ESR1: variants seen among roughly 807,000 people sequenced by gnomAD.
The protein encoded by ESR1 is estrogen receptor.
ESR1 carries 12 observed loss-of-function variants against 52.7 expected under a neutral mutation model. The ratio of observed to expected loss-of-function variants is 0.23; its 90% confidence interval spans 0.15 to 0.37. The LOEUF is 0.37. Ranked by LOEUF, ESR1 falls within the 10% of genes least tolerant of loss-of-function variation. The pLI is 1.00. For synonymous variants in ESR1, 305 were observed against 316.8 expected, an observed-to-expected ratio of 0.96 and a Z score of 0.39; for missense variants, 584 against 779.7, an observed-to-expected ratio of 0.75 and a Z score of 2.99.
At chr6:152,079,673 T>C (rs1189475294) in intron 6 of ESR1, among the ~76,000 whole-genome samples, 4 of 152,086 alleles carry the variant, frequency 2.6e-5, no homozygotes, top group African/African-American at 9.7e-5. Flanking sequence ...CTTCAGAAGG[T>C]CGGTAATAAC....
chr6:152,004,388 A>G (rs2042177039), intron 4 of ESR1, among the ~76,000 whole-genome samples: 1 of 151,988 alleles, frequency 6.6e-6, no homozygotes, highest in South Asian at 2.1e-4. Context: ...TTTTGTCTTT[A>G]GGTTTCTTTT....
intron 5 of ESR1, among the ~76,000 whole-genome samples, chr6:152,022,350 G>A (rs897326276): frequency 6.6e-6 from 1 of 152,166 alleles, no homozygotes; most frequent in Non-Finnish European, 1.5e-5. Context: ...GAGCAACTCC[G>A]AGGAGTTTTT....
At chr6:151,766,497 T>C (rs1376272566) in intron 2 of ESR1, among the ~76,000 whole-genome samples, 1 of 141,522 alleles carries the variant, frequency 7.1e-6, no homozygotes. Flanking sequence ...AACAAAAAAA[T>C]AAAAAATAAA....
At chr6:152,017,424 G>A (rs1157763269) in intron 5 of ESR1, among the ~76,000 whole-genome samples, 1 of 152,066 alleles carries the variant, frequency 6.6e-6, no homozygotes, top group Non-Finnish European at 1.5e-5. Flanking sequence ...AGAAATAAAG[G>A]TTATTATAAG....
At chr6:151,979,363 T>A (rs1039784369) in intron 4 of ESR1, among the ~76,000 whole-genome samples, 1 of 152,176 alleles carries the variant, frequency 6.6e-6, no homozygotes, top group Non-Finnish European at 1.5e-5. Flanking sequence ...ACAAAATTGG[T>A]TTAAATTATC....
chr6:151,918,153 A>G (rs1417172198), intron 3 of ESR1, among the ~76,000 whole-genome samples: 1 of 152,090 alleles, frequency 6.6e-6, no homozygotes, highest in Non-Finnish European at 1.5e-5. Flanking sequence ...ATGTGAATTG[A>G]GTTTTCTTCA....
chr6:151,852,642 T>TC (rs1554268912), intron 2 of ESR1, among the ~76,000 whole-genome samples: 1 of 150,334 alleles, frequency 6.7e-6, no homozygotes, highest in East Asian at 1.9e-4. Context: ...AGCAGGTGTT[T>TC]TTTTTTTTTT....
Position 152,074,942 on chromosome 6 carries a change from G to A in ESR1, c.1369+13818G>A, listed in dbSNP as rs141288018. Among the ~76,000 whole-genome samples, 1,178 of 152,212 alleles carry A rather than the reference G, an allele frequency of 7.7e-3. 7 individuals carry two copies. The highest frequency in any genetic ancestry group is 0.012 in the Non-Finnish European group (840 of 68,008). On this transcript the variant is annotated intron_variant, in intron 6 of 7. Coordinates refer to ENST00000206249, the MANE Select transcript of ESR1 (RefSeq NM_000125.4). Reference sequence around the variant, plus strand: ...CCATTTTTTTAATCAGGTTGTTTGCGTTCTTATCGTTGAGTTTTAAAAGCT... The same window carrying A: ...CCATTTTTTTAATCAGGTTGTTTGCATTCTTATCGTTGAGTTTTAAAAGCT...
intron 2 of ESR1, among the ~76,000 whole-genome samples, chr6:151,717,260 G>A (rs1190211261): frequency 5.9e-5 from 9 of 152,188 alleles, no homozygotes; most frequent in East Asian, 1.9e-4. Flanking sequence ...TGTCTTCTGC[G>A]TTAATCTCAC....
chr6:152,126,993 C>T (rs184132074), exon 7 of ESR1: 4 of 152,264 alleles, frequency 2.6e-5, no homozygotes, highest in Admixed American at 1.3e-4. Context: ...CTAGATTGTC[C>T]GTGATCTTGA....
At chr6:151,759,234 C>A (rs1389347243) in intron 2 of ESR1, among the ~76,000 whole-genome samples, 3 of 143,316 alleles carry the variant, frequency 2.1e-5, no homozygotes, top group African/African-American at 8.1e-5. Context: ...GAGATCATGC[C>A]ACTGCACTCC....
chr6:151,686,568 G>A (rs951227628), upstream of ESR1, among the ~76,000 whole-genome samples: 4 of 152,272 alleles, frequency 2.6e-5, no homozygotes, highest in East Asian at 3.9e-4. Flanking sequence ...GGCACCTGTA[G>A]TCCCAGCTAC....
chr6:152,015,514 A>T (rs2043103606), intron 5 of ESR1, among the ~76,000 whole-genome samples: 1 of 152,208 alleles, frequency 6.6e-6, no homozygotes, highest in African/African-American at 2.4e-5. Flanking sequence ...CAAAAACCAG[A>T]TCTTGTTCGT....
chr6:151,951,288 C>T (rs980779816), intron 4 of ESR1, among the ~76,000 whole-genome samples: 14 of 152,092 alleles, frequency 9.2e-5, no homozygotes, highest in African/African-American at 2.7e-4. Context: ...CGGTTTCATT[C>T]GAACAGCCTC....
chr6:152,029,307 T>C (rs986087638), intron 5 of ESR1, among the ~76,000 whole-genome samples: 5 of 152,084 alleles, frequency 3.3e-5, no homozygotes, highest in South Asian at 2.1e-4. Context: ...CTTTGACTAA[T>C]TGAGAAAAGA....
chr6:151,946,701 G>A (rs558940597), intron 4 of ESR1, among the ~76,000 whole-genome samples: 1 of 152,236 alleles, frequency 6.6e-6, no homozygotes, highest in East Asian at 1.9e-4. Context: ...TTATATGTAT[G>A]TGTGTTTGTG....
At chr6:151,810,816 T>G (rs144602487) in intron 1 of ESR1, among the ~76,000 whole-genome samples, 1,698 of 152,266 alleles carry the variant, frequency 0.011, 10 homozygotes, top group Non-Finnish European at 0.018. Context: ...AAAGAAAAAA[T>G]TAGAAAGCTA....
chr6:151,818,707 G>C (rs1417713005), intron 1 of ESR1, among the ~76,000 whole-genome samples: 1 of 151,992 alleles, frequency 6.6e-6, no homozygotes. Context: ...TCTTATTGCT[G>C]TTAGGAGTTC....
intron 1 of ESR1, chr6:151,814,279 CCT>C (rs1562433656): frequency 6.6e-6 from 1 of 152,166 alleles, no homozygotes; most frequent in Non-Finnish European, 1.5e-5. Context: ...TGGCGTACTT[CCT>C]CTTTCTTCTG....
Sources: allele counts gnomAD v4.1 joint callset (sites outside exome capture counted in the v4.1 genomes callset), GRCh38; gene constraint gnomAD v4.1.1; transcripts MANE v1.5; gene names NCBI Gene and HGNC (gene_info 2026-07-23, HGNC 2026-07-21).